The following NFIL3 variants were observed in gnomAD, a reference collection of about 807,000 sequenced individuals.
NFIL3 encodes nuclear factor interleukin-3-regulated protein.
In NFIL3, 5 loss-of-function variants were observed where a neutral mutation model predicts 10.0. That is an observed-to-expected ratio of 0.50 (90% CI 0.26 to 1.06). The LOEUF (loss-of-function observed/expected upper bound fraction) is 1.06, where lower values mean the gene tolerates loss of function less well. NFIL3 is among the 50% of genes least tolerant of loss of function. The pLI, the probability that NFIL3 is intolerant of heterozygous loss-of-function variation, is 0.13. For synonymous variants in NFIL3, 202 were observed against 206.5 expected (o/e 0.98, Z 0.19); for missense variants, 436 against 547.6 (o/e 0.80, Z 2.03).
the NFIL3 span, among the ~76,000 whole-genome samples, chr9:91,474,086 G>GT: frequency 0.26 from 37,720 of 143,152 alleles, 7,648 homozygotes; most frequent in African/African-American, 0.57. Context: ...TAGGGTTTTT[G>GT]TTTTTTTTTT....
chr9:91,457,833 G>A, the NFIL3 span, among the ~76,000 whole-genome samples: 24 of 151,962 alleles, frequency 1.6e-4, no homozygotes, highest in Non-Finnish European at 2.4e-4. Context: ...TTTTAAGTTT[G>A]AGCAACTTTT....
the NFIL3 span, among the ~76,000 whole-genome samples, chr9:91,464,306 C>T: frequency 6.6e-6 from 1 of 151,720 alleles, no homozygotes; most frequent in East Asian, 1.9e-4. Context: ...TCAAATATAC[C>T]TCTGAAAAAA....
chr9:91,431,296 A>G, the NFIL3 span, among the ~76,000 whole-genome samples: 1 of 151,700 alleles, frequency 6.6e-6, no homozygotes, highest in Non-Finnish European at 1.5e-5. Context: ...CTGGGTGGCC[A>G]TGGGTAAGTC....
the NFIL3 span, among the ~76,000 whole-genome samples, chr9:91,450,679 T>C: frequency 6.6e-6 from 1 of 152,184 alleles, no homozygotes; most frequent in Admixed American, 6.5e-5. Flanking sequence ...TGTATCCTTC[T>C]ATTGTTGGGT....
chr9:91,482,308 A>G, the NFIL3 span, among the ~76,000 whole-genome samples: 1 of 148,680 alleles, frequency 6.7e-6, no homozygotes, highest in Non-Finnish European at 1.5e-5. Flanking sequence ...AAATGGTTTT[A>G]TAAAATATTA....
chr9:91,423,874 A>T (rs1833823787), upstream of NFIL3: 1 of 142,836 alleles, frequency 7.0e-6, no homozygotes, highest in African/African-American at 2.5e-5. Flanking sequence ...GCCGCCCGCC[A>T]GCCCCGCGTG....
In NFIL3 at chr9:91,410,674, T is replaced by C. The variant is rs1833531022; in HGVS notation, c.61A>G (p.Asn21Asp). Residue 21 changes from asparagine to aspartate, a missense_variant, in exon 2 of 2, where the codon AAT (asparagine) becomes GAT (aspartate). Asn to Asp is a conservative substitution (Grantham distance 23, BLOSUM62 1). Coordinates refer to ENST00000297689, the MANE Select transcript of NFIL3 (RefSeq NM_005384.3). This position sits in a 1 kb window ranked among gnomAD's most constrained non-coding sequence, Gnocchi z 5.7. ...TTAAGGACCATCATCTTGTCCACAT[T>C]GCTACTGGCATCAAGAGACGCCTGC... ...KEQASLDASS[N>D]VDKMMVLNSA... 1.9e-6 allele frequency: 3 copies of C among 1,612,108 alleles called. No homozygotes were observed. Among genetic ancestry groups the C allele is most frequent in the Non-Finnish European group, 2.5e-6 (3 of 1,179,514 alleles).
At chr9:91,411,184 GAGA>G (rs1438259545) in intron 1 of NFIL3, among the ~76,000 whole-genome samples, 1 of 152,222 alleles carries the variant, frequency 6.6e-6, no homozygotes, top group African/African-American at 2.4e-5. Flanking sequence ...TCTGCCCAGA[GAGA>G]AGTAGAGGAA....
At chr9:91,419,592 C>G (rs888462967) in intron 1 of NFIL3, among the ~76,000 whole-genome samples, 6 of 152,230 alleles carry the variant, frequency 3.9e-5, no homozygotes, top group African/African-American at 1.4e-4. Flanking sequence ...ATCTGGTTTT[C>G]AGGCTCTGCG....
In NFIL3 at chr9:91,409,997, G is replaced by C. The variant is rs1833511475; in HGVS notation, c.738C>G (p.Asn246Lys). The C allele has an allele frequency of 1.9e-6, 3 of 1,613,146 alleles. No individual in the cohort carries two copies. Among genetic ancestry groups the C allele is most frequent in the Non-Finnish European group, 2.5e-6 (3 of 1,180,022 alleles). ...RGSYTASIYQ[N>K]YMGNSFSGYS... The stretch of plus-strand genomic sequence containing the variant: ...ACCCAGAGAAAGAATTCCCCATATA[G>C]TTTTGATAGATGGACGCTGTGTAAG... The change falls in exon 2 of 2, where the codon AAC becomes AAG. Residue 246 changes from asparagine to lysine, a missense_variant. Physicochemically the swap from Asn to Lys is moderately conservative, Grantham distance 94 (BLOSUM62 0). This residue lies in a region of NFIL3 where 338 missense variants were observed against 399.9 expected (regional missense o/e 0.85). Transcript: ENST00000297689.
chr9:91,425,022 G>A (rs1258298595), upstream of NFIL3, among the ~76,000 whole-genome samples: 1 of 151,700 alleles, frequency 6.6e-6, no homozygotes, highest in Non-Finnish European at 1.5e-5. Flanking sequence ...ACGGATAGTG[G>A]TCAGTGCTGG....
chr9:91,463,556 A>G, the NFIL3 span, among the ~76,000 whole-genome samples: 1 of 152,108 alleles, frequency 6.6e-6, no homozygotes, highest in African/African-American at 2.4e-5. Context: ...GTTTAGTTCC[A>G]TTGCAGTCTA....
the NFIL3 span, among the ~76,000 whole-genome samples, chr9:91,476,068 C>G: frequency 2.0e-5 from 3 of 152,162 alleles, no homozygotes; most frequent in Non-Finnish European, 2.9e-5. Flanking sequence ...GAGACTTGCA[C>G]AAGTAAATTC....
chr9:91,480,548 G>A, the NFIL3 span, among the ~76,000 whole-genome samples: 15 of 151,960 alleles, frequency 9.9e-5, no homozygotes, highest in South Asian at 6.2e-4. Context: ...GATGAATTAC[G>A]GAGCTAAATA....
the NFIL3 span, among the ~76,000 whole-genome samples, chr9:91,469,699 C>T: frequency 5.9e-5 from 9 of 152,124 alleles, no homozygotes; most frequent in Admixed American, 3.9e-4. Flanking sequence ...TTTTGAGATA[C>T]ATCCCATCAA....
At position 91,409,405 on chromosome 9, in the gene NFIL3, C is replaced by T; in HGVS notation, c.1330G>A (p.Val444Ile). 1.2e-6 allele frequency: 2 copies of T among 1,611,594 alleles called. No individual in the cohort carries two copies. The highest frequency in any genetic ancestry group is 1.7e-6 in the Non-Finnish European group (2 of 1,178,822). ...KQGIANLSAE[V>I]VSLKRLIATQ... The stretch of plus-strand genomic sequence containing the variant: ...GCTATAAGTCTCTTGAGTGAGACAA[C>T]CTCTGCAGATAAGTTTGCTATCCCC... The change falls in exon 2 of 2, where the codon GTT becomes ATT. Residue 444 changes from valine to isoleucine, a missense_variant. Transcript: ENST00000297689.
chr9:91,482,843 C>T, the NFIL3 span, among the ~76,000 whole-genome samples: 1 of 152,090 alleles, frequency 6.6e-6, no homozygotes, highest in Non-Finnish European at 1.5e-5. Flanking sequence ...AAGTTGGACT[C>T]TAGAGTATGG....
the NFIL3 span, among the ~76,000 whole-genome samples, chr9:91,449,477 C>T: frequency 6.6e-6 from 1 of 151,974 alleles, no homozygotes; most frequent in Non-Finnish European, 1.5e-5. Flanking sequence ...TGGGTTTCCC[C>T]CTTCTTTCTA....
intron 1 of NFIL3, among the ~76,000 whole-genome samples, chr9:91,415,601 T>C (rs1833638358): frequency 6.6e-6 from 1 of 152,102 alleles, no homozygotes; most frequent in African/African-American, 2.4e-5. Flanking sequence ...AGTAAGGCAC[T>C]ATGCTAACTT....
Sources: allele counts gnomAD v4.1 joint callset (sites outside exome capture counted in the v4.1 genomes callset), GRCh38; gene constraint gnomAD v4.1.1; regional missense constraint gnomAD v4.1.1; non-coding constraint Gnocchi (gnomAD v3.1); transcripts MANE v1.5; gene names NCBI Gene and HGNC (gene_info 2026-07-23, HGNC 2026-07-21).